AHRR: variants seen among roughly 807,000 people sequenced by gnomAD.
AHRR encodes the protein ahR repressor.
AHRR carries 28 observed loss-of-function variants against 44.0 expected under a neutral mutation model. The ratio of observed to expected loss-of-function variants is 0.64; its 90% CI spans 0.47 to 0.87. The LOEUF (loss-of-function observed/expected upper bound fraction) is 0.87, where lower values mean the gene tolerates loss of function less well. Ranked by LOEUF, AHRR falls within the 40% of genes least tolerant of loss-of-function variation. The pLI is 0.00. For synonymous variants in AHRR, 434 were observed against 407.0 expected (o/e 1.07, Z -0.80); for missense variants, 990 against 953.9 (o/e 1.04, Z -0.50).
chr5:360,973 C>T (rs779235863), intron 3 of AHRR, among the ~76,000 whole-genome samples: 8 of 152,088 alleles, frequency 5.3e-5, no homozygotes, highest in Non-Finnish European at 1.2e-4. Context: ...GAAGGTGGGC[C>T]GGGTACGGTG....
chr5:384,142 T>G (rs558270060), intron 4 of AHRR, among the ~76,000 whole-genome samples: 2 of 152,332 alleles, frequency 1.3e-5, no homozygotes, highest in East Asian at 3.9e-4. Flanking sequence ...ACTGCTTTAT[T>G]ATTTTTCTAT....
rs1734650212 is a variant in AHRR, at chr5:395,281, G to T, written c.352-18063G>T. Among the ~76,000 whole-genome samples, 1 of 152,254 alleles carries T rather than the reference G, an allele frequency of 6.6e-6. No individual in the cohort carries two copies. Among genetic ancestry groups the T allele is most frequent in the African/African-American group, 2.4e-5 (1 of 41,462 alleles). ...GACACTGGTGCGGAATGCAGACAGA[G>T]GGGGCCTGGGAGACACGAGCCCCGG... On this transcript the variant is annotated intron_variant, in intron 4 of 10. Transcript: ENST00000684583. The surrounding 1 kb of genome is among the most constrained non-coding windows in gnomAD (Gnocchi z 5.3).
rs191747473 is a variant in AHRR at position 328,650 on chromosome 5, A to G, written c.-11+6831A>G. Among the ~76,000 whole-genome samples the G allele has an allele frequency of 3.9e-5, 6 of 152,062 alleles. No individual in the cohort carries two copies. In the East Asian group the frequency reaches 1.2e-3, roughly 29 times the overall value. ...GATTAGTGATGTGGGGTATTTTTTC[A>G]TATACCTGTTGGCCATTTGTATCTC... is the stretch of plus-strand genomic sequence containing the variant. On this transcript the variant is annotated intron_variant, in intron 1 of 10. Coordinates refer to ENST00000684583, the MANE Select transcript of AHRR (RefSeq NM_001377236.1).
intron 3 of AHRR, 45 bp from the exon 4 acceptor site, chr5:376,565 G>GGAAAGATGTGAATGAAGGAGA: frequency 2.0e-6 from 3 of 1,516,690 alleles, no homozygotes; most frequent in Admixed American, 2.0e-5. Flanking sequence ...AGAGTGGCCA[G>GGAAAGATGTGAATGAAGGAGA]GCCAAGGGTT....
At chr5:416,262 C>T (rs1428479749) in intron 5 of AHRR, among the ~76,000 whole-genome samples, 1 of 152,260 alleles carries the variant, frequency 6.6e-6, no homozygotes, top group Non-Finnish European at 1.5e-5. Flanking sequence ...GGAGACACAG[C>T]TCTGCTGTCC....
chr5:347,627 C>T (rs1421327874), intron 2 of AHRR, among the ~76,000 whole-genome samples: 1 of 152,214 alleles, frequency 6.6e-6, no homozygotes, highest in Non-Finnish European at 1.5e-5. Flanking sequence ...CCAACTCAGA[C>T]ACACACCCCC....
At chr5:347,871 C>T (rs1272566740) in intron 2 of AHRR, among the ~76,000 whole-genome samples, 1 of 152,244 alleles carries the variant, frequency 6.6e-6, no homozygotes, top group Non-Finnish European at 1.5e-5. Flanking sequence ...CTCTGGCCAT[C>T]CCAGCTGTGG....
At chr5:333,894 C>A (rs1742026689) in intron 1 of AHRR, among the ~76,000 whole-genome samples, 1 of 152,168 alleles carries the variant, frequency 6.6e-6, no homozygotes, top group South Asian at 2.1e-4. Flanking sequence ...CTTCCTTGAG[C>A]AGTTCTTGTG....
chr5:413,914 G>T (rs1335954381), intron 5 of AHRR, among the ~76,000 whole-genome samples: 2 of 152,228 alleles, frequency 1.3e-5, no homozygotes, highest in Non-Finnish European at 2.9e-5. Flanking sequence ...ATGGGGTTGA[G>T]GCCTCGTCAG....
At chr5:376,514 G>A (rs1733666568) in intron 3 of AHRR, 96 bp from the exon 4 acceptor site, 8 of 1,317,352 alleles carry the variant, frequency 6.1e-6, no homozygotes, top group Admixed American at 2.4e-5. Context: ...TGAGAACCGT[G>A]GGGTGAACGC....
chr5:422,314 G>A (rs1429828262), intron 5 of AHRR: 4 of 292,896 alleles, frequency 1.4e-5, no homozygotes, highest in Non-Finnish European at 2.6e-5. Context: ...CGTGAAAGTG[G>A]GTGAAGGTTG....
In AHRR at chr5:437,487, CAG is replaced by C. The variant is rs1737138741; in HGVS notation, c.*2657_*2658del. On this transcript the variant is annotated 3_prime_UTR_variant, in exon 11 of 11. Coordinates refer to ENST00000684583, the MANE Select transcript of AHRR (RefSeq NM_001377236.1). ...AAACACCAGGCCCCAAAGATCGAATCAGAGACGTGGCTGCGTGTTTGCGATTG... is the reference window on the plus strand; with the variant it reads ...AAACACCAGGCCCCAAAGATCGAATCAGACGTGGCTGCGTGTTTGCGATTG... 1 of 152,402 alleles carries C rather than the reference CAG, an allele frequency of 6.6e-6. No individual in the cohort carries two copies. Among genetic ancestry groups the C allele is most frequent in the South Asian group, 2.1e-4 (1 of 4,830 alleles). The allele number at this position is 152,402 out of a possible 1,614,324, so 9.4% of individuals were successfully genotyped here.
intron 7 of AHRR, 139 bp downstream of exon 7, chr5:424,116 G>A: frequency 2.3e-6 from 3 of 1,296,468 alleles, no homozygotes; most frequent in Non-Finnish European, 3.1e-6. Flanking sequence ...CCGGTGCTGA[G>A]CTCTGTGTAC....
intron 4 of AHRR, among the ~76,000 whole-genome samples, chr5:377,323 G>C (rs551716019): frequency 6.6e-6 from 1 of 152,232 alleles, no homozygotes; most frequent in Non-Finnish European, 1.5e-5. Flanking sequence ...TGGAGCCTCC[G>C]GGGTGAATCC....
intron 7 of AHRR, among the ~76,000 whole-genome samples, chr5:425,268 C>T (rs1236791262): frequency 5.3e-5 from 8 of 152,254 alleles, no homozygotes; most frequent in South Asian, 2.1e-4. Flanking sequence ...GCCACGCACA[C>T]GCCCCAGGGC....
intron 2 of AHRR, among the ~76,000 whole-genome samples, chr5:345,729 C>T (rs1742649731): frequency 1.3e-5 from 2 of 151,992 alleles, no homozygotes; most frequent in Non-Finnish European, 1.5e-5. Flanking sequence ...CCCCTTGGCG[C>T]CTGGACGTGT....
chr5:338,849 C>T lies in AHRR; in HGVS notation c.-10-5044C>T, dbSNP rs1465766546. Among the ~76,000 whole-genome samples the T allele has an allele frequency of 3.9e-5, 6 of 152,144 alleles. No homozygotes were observed. The highest frequency in any genetic ancestry group is 3.9e-4 in the Admixed American group (6 of 15,264). ...TGGAAAAAATTTCTGCTGTTTCTTA[C>T]ATTTTCTCCTAACTCCTTTCCCCTC... On this transcript the variant is annotated intron_variant, in intron 1 of 10. Coordinates refer to ENST00000684583, the MANE Select transcript of AHRR (RefSeq NM_001377236.1). The surrounding 1 kb of genome is among the most constrained non-coding windows in gnomAD (Gnocchi z 4.1).
intron 3 of AHRR, among the ~76,000 whole-genome samples, chr5:371,600 C>T (rs1743582933): frequency 6.6e-6 from 1 of 152,172 alleles, no homozygotes. Context: ...CATCTGGGCC[C>T]ACCTGTCCTA....
At position 427,987 on chromosome 5, in the gene AHRR, G is replaced by A. The variant is rs762740242; in HGVS notation, c.889G>A (p.Ala297Thr). Reference sequence around the variant, plus strand: ...GAGGGCAAAACCCAGAGCAGACACCGCAGCCACCGCGGATGCAAAGTGAGT... The same window carrying A: ...GAGGGCAAAACCCAGAGCAGACACCACAGCCACCGCGGATGCAAAGTGAGT... ...LLRAKPRADTAATADAKVKAT... is the reference protein window; with the variant it reads ...LLRAKPRADTTATADAKVKAT... Residue 297 changes from alanine to threonine, a missense_variant, in exon 8 of 11, where the codon GCA becomes ACA. Coordinates refer to ENST00000684583, the MANE Select transcript of AHRR (RefSeq NM_001377236.1). 19 of 1,613,700 alleles carry A rather than the reference G, an allele frequency of 1.2e-5. No homozygotes were observed. Among genetic ancestry groups the A allele is most frequent in the Middle Eastern group, 1.6e-4 (1 of 6,082 alleles).
Sources: allele counts gnomAD v4.1 joint callset (sites outside exome capture counted in the v4.1 genomes callset), GRCh38; gene constraint gnomAD v4.1.1; non-coding constraint Gnocchi (gnomAD v3.1); transcripts MANE v1.5; gene names NCBI Gene and HGNC (gene_info 2026-07-23, HGNC 2026-07-21).